Variants in SCNN1B observed in about 807,000 individuals in gnomAD.
The protein encoded by SCNN1B is epithelial sodium channel subunit beta.
SCNN1B carries 46 observed loss-of-function variants against 65.3 expected under a neutral mutation model. That is an observed-to-expected ratio of 0.70 (90% CI 0.56 to 0.90). The LOEUF is 0.90. Ranked by LOEUF, SCNN1B falls within the 40% of genes least tolerant of loss-of-function variation. The pLI, the probability that SCNN1B is intolerant of heterozygous loss-of-function variation, is 0.00. For missense variants in SCNN1B, 751 were observed against 830.5 expected, an observed-to-expected ratio of 0.90 and a Z score of 1.18; for synonymous variants, 349 against 330.6, an observed-to-expected ratio of 1.06 and a Z score of -0.60.
Position 23,348,210 on chromosome 16 carries a change from C to T in SCNN1B, c.-8-382C>T, listed in dbSNP as rs950898102. On this transcript the variant is annotated intron_variant, in intron 1 of 12. Transcript: ENST00000343070. The surrounding 1 kb of genome is among the most constrained non-coding windows in gnomAD (Gnocchi z 4.5). ...AATGAAACATTGAACAAAACGACGTCGTTTGAGGACTTGCTATACCACATT... is the reference window on the plus strand; with the variant it reads ...AATGAAACATTGAACAAAACGACGTTGTTTGAGGACTTGCTATACCACATT... 1.3e-5 allele frequency among the ~76,000 whole-genome samples: 2 copies of T among 152,080 alleles called. No individual in the cohort carries two copies. The highest frequency in any genetic ancestry group is 2.4e-5 in the African/African-American group (1 of 41,396).
rs975797850 is a variant in SCNN1B at position 23,381,287 on chromosome 16, A to T, written c.*486A>T. 5.7e-6 allele frequency: 1 copy of T among 175,496 alleles called. No individual in the cohort carries two copies. Among genetic ancestry groups the T allele is most frequent in the African/African-American group, 2.4e-5 (1 of 41,972 alleles). 10.9% of individuals were successfully genotyped at this position (175,496 alleles called of 1,614,324 possible). On this transcript the variant is annotated 3_prime_UTR_variant, in exon 13 of 13. Coordinates refer to ENST00000343070, the MANE Select transcript of SCNN1B (RefSeq NM_000336.3). ...TTTACTCTAGAAAATAAAAGTAGAAAATACTGAGTCCAGCTGTGTTGTTTG... is the reference window on the plus strand; with the variant it reads ...TTTACTCTAGAAAATAAAAGTAGAATATACTGAGTCCAGCTGTGTTGTTTG...
chr16:23,359,974 A>G (rs967292583), intron 4 of SCNN1B, among the ~76,000 whole-genome samples: 1 of 152,046 alleles, frequency 6.6e-6, no homozygotes, highest in Admixed American at 6.6e-5. Flanking sequence ...AAGCCGAGGC[A>G]GGCAGATCAC....
chr16:23,303,144 G>A (rs1251024887), intron 1 of SCNN1B, among the ~76,000 whole-genome samples: 2 of 152,182 alleles, frequency 1.3e-5, no homozygotes, highest in Admixed American at 1.3e-4. Flanking sequence ...TATGACTTAG[G>A]TGTGCTGTGG....
chr16:23,292,047 C>G (rs1960932616), intron 2 of SCNN1B, among the ~76,000 whole-genome samples: 1 of 152,048 alleles, frequency 6.6e-6, no homozygotes. Flanking sequence ...TACGTCAACT[C>G]TTCCTGGGCA....
chr16:23,313,146 T>C lies in SCNN1B; in HGVS notation c.-9+10709T>C, dbSNP rs1277379704. Among the ~76,000 whole-genome samples the C allele has an allele frequency of 2.0e-5, 3 of 152,184 alleles. No homozygotes were observed. The East Asian group carries it at 5.8e-4, about 29-fold the overall frequency. On this transcript the variant is annotated intron_variant, in intron 1 of 12. Coordinates refer to ENST00000343070, the MANE Select transcript of SCNN1B (RefSeq NM_000336.3). ...GCTCAGTGAACGTTTATTGAATGAA[T>C]AAATGAATGAATGATGGATGGATGG...
At chr16:23,289,629 G>A (rs571919083) in intron 2 of SCNN1B, among the ~76,000 whole-genome samples, 413 of 149,434 alleles carry the variant, frequency 2.8e-3, no homozygotes, top group African/African-American at 9.9e-3. Context: ...TGGACCTACT[G>A]TAGGCATCCC....
intron 1 of SCNN1B, among the ~76,000 whole-genome samples, chr16:23,282,599 T>C (rs1960798693): frequency 6.6e-6 from 1 of 152,158 alleles, no homozygotes; most frequent in Non-Finnish European, 1.5e-5. Context: ...ATTCCAGATG[T>C]GGGGCTTGGA....
intron 5 of SCNN1B, among the ~76,000 whole-genome samples, chr16:23,371,065 C>T (rs1260687493): frequency 6.6e-6 from 1 of 152,170 alleles, no homozygotes; most frequent in East Asian, 1.9e-4. Flanking sequence ...AAAGAGATCA[C>T]GGGAGGCAAG....
intron 8 of SCNN1B, 38 bp downstream of exon 8, chr16:23,375,893 TG>T: frequency 7.4e-7 from 1 of 1,357,018 alleles, no homozygotes. Flanking sequence ...TCCAGCCATC[TG>T]GGGCCACAGA....
chr16:23,370,057 A>C (rs563995764), intron 5 of SCNN1B, among the ~76,000 whole-genome samples: 15 of 152,198 alleles, frequency 9.9e-5, no homozygotes, highest in Admixed American at 9.8e-4. Context: ...CAGCTTCCCA[A>C]GTAGCTGGGA....
chr16:23,357,646 T>A (rs1433940389), intron 4 of SCNN1B, among the ~76,000 whole-genome samples: 1 of 152,138 alleles, frequency 6.6e-6, no homozygotes, highest in Non-Finnish European at 1.5e-5. Flanking sequence ...TGTCAAATAA[T>A]TCAAGGCCAC....
At chr16:23,302,896 A>G (rs886989444) in intron 1 of SCNN1B, among the ~76,000 whole-genome samples, 12 of 152,066 alleles carry the variant, frequency 7.9e-5, no homozygotes, top group Non-Finnish European at 2.9e-5. Context: ...CATTTTGCAG[A>G]GGTGCAAACT....
intron 7 of SCNN1B, among the ~76,000 whole-genome samples, chr16:23,373,003 G>A (rs1444769753): frequency 6.6e-6 from 1 of 151,976 alleles, no homozygotes; most frequent in Non-Finnish European, 1.5e-5. Context: ...GCTGTGCAGG[G>A]GGCTGAGGCA....
At chr16:23,326,816 A>G (rs1961706230) in intron 1 of SCNN1B, among the ~76,000 whole-genome samples, 1 of 152,134 alleles carries the variant, frequency 6.6e-6, no homozygotes, top group Non-Finnish European at 1.5e-5. Flanking sequence ...CAGTTTTGCT[A>G]CATGGATATA....
At chr16:23,292,294 T>C (rs911275125) in intron 2 of SCNN1B, among the ~76,000 whole-genome samples, 7 of 151,588 alleles carry the variant, frequency 4.6e-5, no homozygotes, top group South Asian at 4.2e-4. Context: ...ACAGGGTTCA[T>C]GCCATTCTCC....
chr16:23,337,374 C>CTT (rs11455298), intron 1 of SCNN1B, among the ~76,000 whole-genome samples: 2,233 of 134,060 alleles, frequency 0.017, 29 homozygotes, highest in African/African-American at 0.03. Flanking sequence ...CTCTTTCTTT[C>CTT]TTTTTTTTTT....
chr16:23,381,141 A>C lies in SCNN1B; in HGVS notation c.*340A>C. 2.6e-6 allele frequency: 1 copy of C among 384,966 alleles called. No individual in the cohort carries two copies. The highest frequency in any genetic ancestry group is 4.9e-6 in the Non-Finnish European group (1 of 205,514). 23.8% of individuals were successfully genotyped at this position (384,966 alleles called of 1,614,324 possible). On this transcript the variant is annotated 3_prime_UTR_variant, in exon 13 of 13. Coordinates refer to ENST00000343070, the MANE Select transcript of SCNN1B (RefSeq NM_000336.3). ...CAGTGCCAGTCTCCATCCACCCCAG[A>C]GAGGAACAGGCGGGTGGGCCATGTG...
chr16:23,362,412 GGTT>G (rs1962571862), intron 4 of SCNN1B, among the ~76,000 whole-genome samples: 2 of 152,064 alleles, frequency 1.3e-5, no homozygotes, highest in South Asian at 4.1e-4. Context: ...TTATTACTAT[GGTT>G]GTTGTTGTTT....
At chr16:23,326,419 G>A (rs1331690939) in intron 1 of SCNN1B, among the ~76,000 whole-genome samples, 1 of 151,808 alleles carries the variant, frequency 6.6e-6, no homozygotes, top group African/African-American at 2.4e-5. Context: ...TTTTTCCTAT[G>A]CACATAGATG....
Sources: allele counts gnomAD v4.1 joint callset (sites outside exome capture counted in the v4.1 genomes callset), GRCh38; gene constraint gnomAD v4.1.1; non-coding constraint Gnocchi (gnomAD v3.1); transcripts MANE v1.5; gene names NCBI Gene and HGNC (gene_info 2026-07-23, HGNC 2026-07-21).